The following HSPA4L variants were observed in gnomAD, a reference collection of about 807,000 sequenced individuals.
The protein encoded by HSPA4L is heat shock 70 kDa protein 4L.
In HSPA4L, 48 loss-of-function variants were observed where a neutral mutation model predicts 100.3. That is an observed-to-expected ratio of 0.48 (90% CI 0.38 to 0.61). HSPA4L has a LOEUF of 0.61. HSPA4L is among the 20% of genes least tolerant of loss of function. The probability of loss-of-function intolerance (pLI) is 0.00; values close to 1 mark genes in which losing one functional copy is unlikely to be tolerated. For missense variants in HSPA4L, 886 were observed against 988.6 expected, an observed-to-expected ratio of 0.90 and a Z score of 1.39; for synonymous variants, 319 against 328.2, an observed-to-expected ratio of 0.97 and a Z score of 0.30.
chr4:127,809,362 A>G, intron 11 of HSPA4L: 1 of 1,163,244 alleles, frequency 8.6e-7, no homozygotes, highest in Admixed American at 1.7e-5. Flanking sequence ...ATTGCAGCCC[A>G]GCAGAAGGCA....
At chr4:127,814,531 T>A (rs1050231338) in intron 12 of HSPA4L, among the ~76,000 whole-genome samples, 7 of 152,184 alleles carry the variant, frequency 4.6e-5, no homozygotes, top group Non-Finnish European at 7.3e-5. Flanking sequence ...ATAAAAGCGA[T>A]GATGCTGAAT....
chr4:127,832,768 A>G lies in HSPA4L; in HGVS notation c.2414A>G (p.Glu805Gly). ...GAAGACAAACCAAAAGCTAATAGTG[A>G]ACACAATGGCCCAATGGATGGACAG... ...VPEDKPKANS[E>G]HNGPMDGQSG... Residue 805 changes from glutamate (E) to glycine (G), a missense_variant, in exon 19 of 19, where the codon GAA becomes GGA. Transcript: ENST00000296464. The G allele has an allele frequency of 1.2e-6, 2 of 1,613,862 alleles. No homozygotes were observed. The highest frequency in any genetic ancestry group is 1.7e-6 in the Non-Finnish European group (2 of 1,179,848).
intron 16 of HSPA4L, among the ~76,000 whole-genome samples, 176 bp from the exon 17 acceptor site, chr4:127,827,129 C>T (rs1199265914): frequency 6.6e-6 from 1 of 152,036 alleles, no homozygotes; most frequent in African/African-American, 2.4e-5. Flanking sequence ...GGAAGGCATC[C>T]TTGTGTAGGA....
chr4:127,797,029 TC>T (rs1207919318), intron 3 of HSPA4L, among the ~76,000 whole-genome samples: 1 of 152,198 alleles, frequency 6.6e-6, no homozygotes, highest in Non-Finnish European at 1.5e-5. Flanking sequence ...TGTACACAGT[TC>T]CATTTTTAGA....
chr4:127,805,884 T>A, intron 10 of HSPA4L, 91 bp downstream of exon 10: 1 of 753,406 alleles, frequency 1.3e-6, no homozygotes, highest in Non-Finnish European at 2.1e-6. Context: ...TTACGCTTCT[T>A]AAAATTCTGC....
At chr4:127,802,599 AC>A (rs952532367) in intron 6 of HSPA4L, among the ~76,000 whole-genome samples, 21 of 152,208 alleles carry the variant, frequency 1.4e-4, no homozygotes, top group Admixed American at 1.3e-3. Flanking sequence ...ATATTAACTT[AC>A]TTTAAAAAGA....
chr4:127,798,371 A>G (rs1354893814), intron 3 of HSPA4L, among the ~76,000 whole-genome samples: 1 of 152,204 alleles, frequency 6.6e-6, no homozygotes, highest in Non-Finnish European at 1.5e-5. Flanking sequence ...CTTTGGTTAT[A>G]ATACTGTCTG....
In HSPA4L at chr4:127,829,002, A is replaced by G. The variant is rs1336184661; in HGVS notation, c.2166+1578A>G. Among the ~76,000 whole-genome samples the G allele has an allele frequency of 5.3e-5, 8 of 152,146 alleles. 1 individual carries two copies. The South Asian group carries it at 1.0e-3, about 20-fold the overall frequency. ...TTGAACTTGTTTTTAATATGCTTCAATAGTGAAAGGTGGACAATAAATTAC... is the reference window on the plus strand; with the variant it reads ...TTGAACTTGTTTTTAATATGCTTCAGTAGTGAAAGGTGGACAATAAATTAC... On this transcript the variant is annotated intron_variant, in intron 17 of 18. Transcript: ENST00000296464.
At chr4:127,823,371 A>C (rs1733862411) in intron 15 of HSPA4L, 146 bp from the exon 16 acceptor site, 6 of 578,712 alleles carry the variant, frequency 1.0e-5, no homozygotes, top group Non-Finnish European at 1.5e-5. Context: ...CTGGTCTCTT[A>C]GTTCTGGGCT....
At chr4:127,812,986 A>G (rs1274624426) in intron 12 of HSPA4L, 9 of 813,752 alleles carry the variant, frequency 1.1e-5, no homozygotes, top group Admixed American at 5.5e-5. Flanking sequence ...AACAATGCCA[A>G]CAGCATGCTG....
intron 16 of HSPA4L, among the ~76,000 whole-genome samples, chr4:127,825,109 C>T (rs534770196): frequency 6.6e-6 from 1 of 150,870 alleles, no homozygotes; most frequent in Admixed American, 6.6e-5. Flanking sequence ...CACTGCACTC[C>T]AGCCTGGGCG....
Position 127,827,293 on chromosome 4 carries a change from T to C in HSPA4L, c.2047-12T>C. On this transcript the variant is annotated splice_polypyrimidine_tract_variant and intron_variant, in intron 16 of 18. Transcript: ENST00000296464. ...AAAATTTTTCTTCTTTAAAAATTTC[T>C]TATGTTAACAGAAATACGGCCAGCC... 6.3e-7 allele frequency: 1 copy of C among 1,599,326 alleles called. No homozygotes were observed. Among genetic ancestry groups the C allele is most frequent in the Non-Finnish European group, 8.5e-7 (1 of 1,175,104 alleles).
intron 2 of HSPA4L, 152 bp from the exon 3 acceptor site, chr4:127,795,616 A>G (rs1389801261): frequency 2.9e-6 from 2 of 682,030 alleles, no homozygotes; most frequent in Non-Finnish European, 2.4e-6. Context: ...TGACTTTACC[A>G]TCAGTTGGAA....
At chr4:127,826,675 G>C (rs982320577) in intron 16 of HSPA4L, among the ~76,000 whole-genome samples, 2 of 152,024 alleles carry the variant, frequency 1.3e-5, no homozygotes, top group African/African-American at 4.8e-5. Context: ...ATCTAAAACT[G>C]TTCTAAAATA....
intron 10 of HSPA4L, among the ~76,000 whole-genome samples, chr4:127,806,111 T>A (rs966492390): frequency 2.0e-5 from 3 of 152,054 alleles, no homozygotes; most frequent in African/African-American, 7.2e-5. Flanking sequence ...CTAGTTTATC[T>A]GTCCAGTCAT....
At chr4:127,806,560 A>G (rs1287274635) in intron 10 of HSPA4L, among the ~76,000 whole-genome samples, 1 of 151,972 alleles carries the variant, frequency 6.6e-6, no homozygotes, top group African/African-American at 2.4e-5. Flanking sequence ...ACATGCCAAT[A>G]TTTTAAAAAA....
intron 4 of HSPA4L, among the ~76,000 whole-genome samples, chr4:127,800,086 C>T (rs1281917503): frequency 6.6e-6 from 1 of 152,132 alleles, no homozygotes; most frequent in South Asian, 2.1e-4. Context: ...CAAAATACTT[C>T]TCAGTTTGAT....
At chr4:127,828,453 C>T (rs7664734) in intron 17 of HSPA4L, among the ~76,000 whole-genome samples, 4 of 151,916 alleles carry the variant, frequency 2.6e-5, no homozygotes, top group African/African-American at 7.2e-5. Flanking sequence ...ATTAAGAAAA[C>T]GGAAATACTT....
At chr4:127,788,417 C>T (rs1403335848) in intron 1 of HSPA4L, among the ~76,000 whole-genome samples, 1 of 152,164 alleles carries the variant, frequency 6.6e-6, no homozygotes, top group Admixed American at 6.5e-5. Flanking sequence ...ATTCTTCCCC[C>T]TCCCCCTTCT....
Sources: gnomAD v4.1 joint callset for allele counts (sites outside exome capture counted in the v4.1 genomes callset) on GRCh38, gnomAD v4.1.1 for gene constraint, MANE v1.5 for transcripts, NCBI Gene and HGNC (gene_info 2026-07-23, HGNC 2026-07-21) for gene names.